LSAMP: variants seen among roughly 807,000 people sequenced by gnomAD.
The protein encoded by LSAMP is limbic system associated membrane protein, also known as limbic system-associated membrane protein.
A neutral mutation model predicts 38.6 loss-of-function variants in LSAMP; 7 were observed. That is an observed-to-expected ratio of 0.18 (90% CI 0.10 to 0.34). The LOEUF is 0.34. Among genes scored for constraint, LSAMP ranks in the 10% least tolerant of loss-of-function variants. LSAMP has a pLI of 1.00. For synonymous variants in LSAMP, 154 were observed against 166.8 expected (o/e 0.92, Z 0.59); for missense variants, 313 against 420.0 (o/e 0.75, Z 2.23).
At chr3:116,117,201 A>C (rs896748402) in intron 1 of LSAMP, among the ~76,000 whole-genome samples, 1 of 152,226 alleles carries the variant, frequency 6.6e-6, no homozygotes, top group Non-Finnish European at 1.5e-5. Context: ...TTTTAAAATG[A>C]TGATTGGAAA....
At chr3:116,296,295 G>A (rs548089833) in intron 1 of LSAMP, among the ~76,000 whole-genome samples, 1 of 152,188 alleles carries the variant, frequency 6.6e-6, no homozygotes, top group East Asian at 1.9e-4. Context: ...AACCCCCACT[G>A]AAAGGGATTT....
chr3:115,839,893 A>C (rs2107500639), intron 6 of LSAMP, among the ~76,000 whole-genome samples: 1 of 152,340 alleles, frequency 6.6e-6, no homozygotes, highest in South Asian at 2.1e-4. Flanking sequence ...AAGCTCTGTA[A>C]GATTCTTGAC....
rs1933597706 is a variant in LSAMP at position 115,804,940 on chromosome 3, T to C, written c.*5377A>G. On this transcript the variant is annotated 3_prime_UTR_variant, in exon 7 of 7. Coordinates refer to ENST00000490035, the MANE Select transcript of LSAMP (RefSeq NM_002338.5). Reference sequence around the variant, plus strand: ...GACTCAGCAAGATATTTCTCGAGGATATAACATTTTTTATATTGCACAATT... The same window carrying C: ...GACTCAGCAAGATATTTCTCGAGGACATAACATTTTTTATATTGCACAATT... 1 of 152,216 alleles carries C rather than the reference T, an allele frequency of 6.6e-6. No individual in the cohort carries two copies. The highest frequency in any genetic ancestry group is 2.4e-5 in the African/African-American group (1 of 41,456). 9.4% of individuals were successfully genotyped at this position (152,216 alleles called of 1,614,324 possible). A position where few individuals can be genotyped will look rare whatever the true frequency, so the allele number is the denominator to read the frequency against.
intron 1 of LSAMP, among the ~76,000 whole-genome samples, chr3:116,089,343 C>G (rs1026370403): frequency 2.0e-5 from 3 of 152,034 alleles, no homozygotes; most frequent in Admixed American, 6.6e-5. Context: ...TATTAGAATA[C>G]ACATATACTT....
At chr3:116,041,583 C>T (rs900781924) in intron 2 of LSAMP, among the ~76,000 whole-genome samples, 1 of 151,496 alleles carries the variant, frequency 6.6e-6, no homozygotes. Context: ...TTAGGTGCTG[C>T]ACTTTCAAAC....
intron 1 of LSAMP, among the ~76,000 whole-genome samples, chr3:116,293,018 C>A (rs1183602921): frequency 6.6e-6 from 1 of 152,162 alleles, no homozygotes; most frequent in Non-Finnish European, 1.5e-5. Context: ...CTTTCCATGT[C>A]ATGAATGAAC....
intron 3 of LSAMP, among the ~76,000 whole-genome samples, chr3:115,929,383 G>C (rs1937545112): frequency 6.6e-6 from 1 of 152,066 alleles, no homozygotes; most frequent in Non-Finnish European, 1.5e-5. Context: ...AATTCTACTT[G>C]TGACACTACT....
chr3:116,286,010 A>G (rs1235364089), intron 1 of LSAMP, among the ~76,000 whole-genome samples: 3 of 152,210 alleles, frequency 2.0e-5, no homozygotes, highest in Non-Finnish European at 2.9e-5. Context: ...ACTGTGGGGG[A>G]GCCAGTCTAG....
intron 1 of LSAMP, among the ~76,000 whole-genome samples, chr3:116,181,638 T>A (rs1710487212): frequency 6.6e-6 from 1 of 151,976 alleles, no homozygotes; most frequent in Non-Finnish European, 1.5e-5. Context: ...CCTAAATACT[T>A]AGCCTTTATA....
At chr3:116,060,168 C>T (rs1251810061) in intron 2 of LSAMP, among the ~76,000 whole-genome samples, 4 of 151,076 alleles carry the variant, frequency 2.6e-5, no homozygotes, top group Non-Finnish European at 5.9e-5. Context: ...CCTCTTCCCC[C>T]TCTCTTGCCT....
chr3:116,222,612 G>T (rs984486749), intron 1 of LSAMP, among the ~76,000 whole-genome samples: 2 of 151,088 alleles, frequency 1.3e-5, no homozygotes, highest in African/African-American at 4.9e-5. Flanking sequence ...AAGGAAGAGA[G>T]GAAAAGTCAA....
At chr3:116,383,061 G>A (rs894945970) in intron 1 of LSAMP, among the ~76,000 whole-genome samples, 1 of 152,090 alleles carries the variant, frequency 6.6e-6, no homozygotes, top group African/African-American at 2.4e-5. Context: ...GATAAAAAGG[G>A]ATCTGAGCCC....
At chr3:115,950,632 T>C (rs1376500321) in intron 3 of LSAMP, among the ~76,000 whole-genome samples, 1 of 152,066 alleles carries the variant, frequency 6.6e-6, no homozygotes, top group East Asian at 1.9e-4. Flanking sequence ...TGTTCATTGT[T>C]GGGTAGAATC....
intron 2 of LSAMP, among the ~76,000 whole-genome samples, chr3:116,031,187 G>A (rs910109522): frequency 6.6e-6 from 1 of 151,920 alleles, no homozygotes; most frequent in African/African-American, 2.4e-5. Context: ...AAGTATAAAG[G>A]GTTCGGGGAA....
chr3:116,225,026 G>T (rs916607223), intron 1 of LSAMP, among the ~76,000 whole-genome samples: 3 of 152,192 alleles, frequency 2.0e-5, no homozygotes, highest in Non-Finnish European at 4.4e-5. Flanking sequence ...AATTTGACAA[G>T]AATGTCAGCA....
intron 3 of LSAMP, among the ~76,000 whole-genome samples, chr3:115,873,709 T>C (rs889853572): frequency 6.6e-6 from 1 of 152,150 alleles, no homozygotes; most frequent in African/African-American, 2.4e-5. Context: ...TAGTTTGCTG[T>C]AAAATCGAGG....
At chr3:115,810,889 G>A (rs1577027207) in intron 6 of LSAMP, among the ~76,000 whole-genome samples, 1 of 151,914 alleles carries the variant, frequency 6.6e-6, no homozygotes, top group Non-Finnish European at 1.5e-5. Flanking sequence ...CTCTGTCCCC[G>A]GGGGGAGGCA....
chr3:115,947,719 A>G (rs75551958), intron 3 of LSAMP, among the ~76,000 whole-genome samples: 12,181 of 152,318 alleles, frequency 0.08, 559 homozygotes, highest in Non-Finnish European at 0.099. Context: ...TATATAACCC[A>G]TGCTGAAAGA....
At chr3:115,834,162 T>G (rs1680546945) in intron 6 of LSAMP, among the ~76,000 whole-genome samples, 1 of 152,160 alleles carries the variant, frequency 6.6e-6, no homozygotes, top group Non-Finnish European at 1.5e-5. Flanking sequence ...ACCAATGACT[T>G]CAGATTCAGA....
Sources: gnomAD v4.1 joint callset for allele counts (sites outside exome capture counted in the v4.1 genomes callset) on GRCh38, gnomAD v4.1.1 for gene constraint, MANE v1.5 for transcripts, NCBI Gene and HGNC (gene_info 2026-07-23, HGNC 2026-07-21) for gene names.